KIF13A: variants seen among roughly 807,000 people sequenced by gnomAD.
KIF13A encodes the protein kinesin-like protein KIF13A.
A neutral mutation model predicts 212.2 loss-of-function variants in KIF13A; 79 were observed. The ratio of observed to expected loss-of-function variants is 0.37; its 90% confidence interval spans 0.31 to 0.45. The LOEUF is 0.45. KIF13A is among the 20% of genes least tolerant of loss of function. The probability of loss-of-function intolerance (pLI) is 1.00; values close to 1 mark genes in which losing one functional copy is unlikely to be tolerated. For missense variants in KIF13A, 1,901 were observed against 2,209.0 expected (o/e 0.86, Z 2.79); for synonymous variants, 789 against 808.6 (o/e 0.98, Z 0.41).
intron 2 of KIF13A, among the ~76,000 whole-genome samples, chr6:17,976,801 CAAA>C (rs998413837): frequency 1.6e-4 from 16 of 98,738 alleles, no homozygotes; most frequent in East Asian, 9.2e-4. Flanking sequence ...GACTCCATCT[CAAA>C]AAAAAAAAAA....
Position 17,764,444 on chromosome 6 carries a change from C to CAAAAACA in KIF13A, c.5083_5084insTGTTTTT (p.Arg1695MetfsTer18). On this transcript the variant is annotated frameshift_variant, in exon 39 of 39. Coordinates refer to ENST00000259711, the MANE Select transcript of KIF13A (RefSeq NM_022113.6). LOFTEE classifies it low-confidence loss of function (END_TRUNC). This position sits in a 1 kb window ranked among gnomAD's most constrained non-coding sequence, Gnocchi z 5.1. ...ATCTAGTTCTGAACATGAGCCAGTC[C>CAAAAACA]TGCACAGTGATTTGGAGTTTTTCTC... The CAAAAACA allele has an allele frequency of 6.2e-7, 1 of 1,614,024 alleles. No individual in the cohort carries two copies.
chr6:17,805,429 CTG>C (rs747560275), intron 19 of KIF13A, 44 bp downstream of exon 19: 1 of 1,529,628 alleles, frequency 6.5e-7, no homozygotes, highest in Non-Finnish European at 9.0e-7. Context: ...CTTATATTCT[CTG>C]TTTTTAACAT....
intron 2 of KIF13A, among the ~76,000 whole-genome samples, chr6:17,981,493 C>T (rs1274491250): frequency 1.4e-5 from 2 of 146,978 alleles, no homozygotes; most frequent in African/African-American, 2.5e-5. Flanking sequence ...GACATGATCT[C>T]GGCTCACTGC....
At chr6:17,848,251 G>A (rs577169336) in intron 9 of KIF13A, among the ~76,000 whole-genome samples, 91 of 152,072 alleles carry the variant, frequency 6.0e-4, no homozygotes, top group Non-Finnish European at 4.7e-4. Flanking sequence ...ATTTTTTTGT[G>A]TTGGGAACAC....
chr6:17,918,203 C>T lies in KIF13A; in HGVS notation c.147-20023G>A, dbSNP rs1172654458. Among the ~76,000 whole-genome samples, 3 of 151,956 alleles carry T rather than the reference C, an allele frequency of 2.0e-5. No individual in the cohort carries two copies. The highest frequency in any genetic ancestry group is 7.3e-5 in the African/African-American group (3 of 41,346). ...ACACCCATCTCGTTCCAAGCAGAGG[C>T]CGGGTCACACTCACCCTGGGTTCTC... On this transcript the variant is annotated intron_variant, in intron 2 of 38. Coordinates refer to ENST00000259711, the MANE Select transcript of KIF13A (RefSeq NM_022113.6). This position sits in a 1 kb window ranked among gnomAD's most constrained non-coding sequence, Gnocchi z 4.8.
In KIF13A at chr6:17,856,244, T is replaced by TCGG; in HGVS notation, c.221-123_221-122insCCG. On this transcript the variant is annotated intron_variant, in intron 4 of 38. Transcript: ENST00000259711. The surrounding 1 kb of genome is among the most constrained non-coding windows in gnomAD (Gnocchi z 4.5). The stretch of plus-strand genomic sequence containing the variant: ...TAAAAGTGTAGTACCGAGTGCCCAC[T>TCGG]AAGTACAGGGCTGTGTATTAAGAGC... The TCGG allele has an allele frequency of 3.0e-6, 2 of 665,270 alleles. No homozygotes were observed. The highest frequency in any genetic ancestry group is 5.3e-6 in the Non-Finnish European group (2 of 380,164). 41.2% of individuals were successfully genotyped at this position (665,270 alleles called of 1,614,324 possible).
intron 20 of KIF13A, among the ~76,000 whole-genome samples, chr6:17,800,681 A>G (rs1581340770): frequency 6.6e-6 from 1 of 151,040 alleles, no homozygotes. Flanking sequence ...GCTCACTGCA[A>G]CCTCCACCTC....
Position 17,773,527 on chromosome 6 carries a change from T to C in KIF13A, c.4275A>G (p.Val1425=). The change falls in exon 36 of 39, where the codon GTA becomes GTG. Residue 1425 remains valine, a synonymous_variant. Coordinates refer to ENST00000259711, the MANE Select transcript of KIF13A (RefSeq NM_022113.6). The surrounding 1 kb of genome is among the most constrained non-coding windows in gnomAD (Gnocchi z 4.2). ...CCCTGGGTAAAGTTCCATAACATGC[T>C]ACATCTTGGTAACTGGAGCTATAGT... ...MSDYSSSYQD[V]ACYGTLPRDS... is the part of the protein sequence containing the mutation. 1.2e-6 allele frequency: 2 copies of C among 1,612,278 alleles called. No individual in the cohort carries two copies. Among genetic ancestry groups the C allele is most frequent in the Non-Finnish European group, 1.7e-6 (2 of 1,178,632 alleles).
At chr6:17,821,960 C>G (rs1480996029) in intron 16 of KIF13A, 1 of 1,529,482 alleles carries the variant, frequency 6.5e-7, no homozygotes, top group African/African-American at 1.4e-5. Flanking sequence ...CACATCAGCA[C>G]TTGCATCAGA....
intron 20 of KIF13A, 130 bp from the exon 21 acceptor site, chr6:17,800,243 A>G: frequency 1.2e-6 from 1 of 805,852 alleles, no homozygotes; most frequent in Non-Finnish European, 1.9e-6. Flanking sequence ...GTCTTCGGCA[A>G]CGGGAGCCCT....
chr6:17,771,449 A>C lies in KIF13A; in HGVS notation c.4477-231T>G. ...TTATTTAAAAAACAGCCTTTTGACCAGGTACAACGGCTCATGCCTGCAATC... is the reference window on the plus strand; with the variant it reads ...TTATTTAAAAAACAGCCTTTTGACCCGGTACAACGGCTCATGCCTGCAATC... On this transcript the variant is annotated intron_variant, in intron 37 of 38. Transcript: ENST00000259711. This position sits in a 1 kb window ranked among gnomAD's most constrained non-coding sequence, Gnocchi z 5.4. 1 of 511,042 alleles carries C rather than the reference A, an allele frequency of 2.0e-6. No individual in the cohort carries two copies. Among genetic ancestry groups the C allele is most frequent in the Non-Finnish European group, 3.5e-6 (1 of 287,268 alleles). 31.7% of individuals were successfully genotyped at this position (511,042 alleles called of 1,614,324 possible).
chr6:17,855,955 C>T lies in KIF13A; in HGVS notation c.313+75G>A. ...CAAACTCCTGGGCTCAGGAGATCCT[C>T]CCACCCCAGCCTCACCAAGTCCTGG... On this transcript the variant is annotated intron_variant, in intron 5 of 38. Coordinates refer to ENST00000259711, the MANE Select transcript of KIF13A (RefSeq NM_022113.6). The surrounding 1 kb of genome is among the most constrained non-coding windows in gnomAD (Gnocchi z 4.1). The T allele has an allele frequency of 2.0e-6, 2 of 1,024,200 alleles. No individual in the cohort carries two copies. Among genetic ancestry groups the T allele is most frequent in the South Asian group, 1.4e-5 (1 of 71,006 alleles). The allele number at this position is 1,024,200 out of a possible 1,614,324, so 63.4% of individuals were successfully genotyped here.
At chr6:17,929,238 G>C (rs377242412) in intron 2 of KIF13A, among the ~76,000 whole-genome samples, 9 of 151,858 alleles carry the variant, frequency 5.9e-5, no homozygotes, top group African/African-American at 1.7e-4. Flanking sequence ...GAGACAAGGT[G>C]GGGGGCGCAT....
rs1761559248 is a variant in KIF13A at position 17,791,598 on chromosome 6, T to G, written c.3223-1688A>C. 1.3e-5 allele frequency among the ~76,000 whole-genome samples: 2 copies of G among 152,138 alleles called. 1 individual carries two copies. The highest frequency in any genetic ancestry group is 4.1e-4 in the South Asian group (2 of 4,830). On this transcript the variant is annotated intron_variant, in intron 25 of 38. Coordinates refer to ENST00000259711, the MANE Select transcript of KIF13A (RefSeq NM_022113.6). ...AGTTTTAACTCAGAGGTAGAGCTGT[T>G]TTTTAAAAAATGTGAACAGTTGCTG...
At chr6:17,954,867 C>CG (rs761703743) in intron 2 of KIF13A, among the ~76,000 whole-genome samples, 1 of 152,148 alleles carries the variant, frequency 6.6e-6, no homozygotes, top group Non-Finnish European at 1.5e-5. Context: ...TTTTAAGAGA[C>CG]GGGGTCTTGC....
At chr6:17,948,632 G>A (rs12206273) in intron 2 of KIF13A, among the ~76,000 whole-genome samples, 10 of 131,476 alleles carry the variant, frequency 7.6e-5, no homozygotes, top group African/African-American at 3.0e-4. Flanking sequence ...GCGTGATCTC[G>A]GCTCACTGGG....
chr6:17,791,822 C>T (rs1265085051), intron 25 of KIF13A, among the ~76,000 whole-genome samples: 3 of 149,190 alleles, frequency 2.0e-5, no homozygotes, highest in Non-Finnish European at 4.4e-5. Context: ...ATCACTTGAA[C>T]CAGGGAGATG....
chr6:17,842,843 G>A (rs910408683), intron 9 of KIF13A, among the ~76,000 whole-genome samples: 1 of 151,594 alleles, frequency 6.6e-6, no homozygotes, highest in Non-Finnish European at 1.5e-5. Flanking sequence ...AGAAAAAACC[G>A]AGTTATAATC....
In KIF13A at chr6:17,886,422, A is replaced by G. The variant is rs1771544113; in HGVS notation, c.159+11746T>C. On this transcript the variant is annotated intron_variant, in intron 3 of 38. Coordinates refer to ENST00000259711, the MANE Select transcript of KIF13A (RefSeq NM_022113.6). The surrounding 1 kb of genome is among the most constrained non-coding windows in gnomAD (Gnocchi z 5.6). The stretch of plus-strand genomic sequence containing the variant: ...AAGTTACGCTGCAAAGGACTGATGA[A>G]GAGTTCACACTGCTGCGGCTGACTC... 6.6e-6 allele frequency among the ~76,000 whole-genome samples: 1 copy of G among 152,202 alleles called. No homozygotes were observed. Among genetic ancestry groups the G allele is most frequent in the Non-Finnish European group, 1.5e-5 (1 of 68,036 alleles).
Sources: allele counts gnomAD v4.1 joint callset (sites outside exome capture counted in the v4.1 genomes callset), GRCh38; gene constraint gnomAD v4.1.1; non-coding constraint Gnocchi (gnomAD v3.1); transcripts MANE v1.5; gene names NCBI Gene and HGNC (gene_info 2026-07-23, HGNC 2026-07-21).